Variants in NTM observed in about 807,000 individuals in gnomAD.
NTM encodes IgLON family member 2.
In NTM, 13 loss-of-function variants were observed where a neutral mutation model predicts 42.1. The observed-to-expected ratio is 0.31, with a 90% confidence interval of 0.20 to 0.49. NTM has a LOEUF of 0.49. NTM is among the 20% of genes least tolerant of loss of function. The probability of loss-of-function intolerance (pLI) is 0.99; values close to 1 mark genes in which losing one functional copy is unlikely to be tolerated. For missense variants in NTM, 373 were observed against 452.8 expected, an observed-to-expected ratio of 0.82 and a Z score of 1.60; for synonymous variants, 187 against 179.2, an observed-to-expected ratio of 1.04 and a Z score of -0.35.
intron 1 of NTM, among the ~76,000 whole-genome samples, chr11:131,496,895 G>A (rs959750083): frequency 3.9e-5 from 6 of 152,196 alleles, no homozygotes; most frequent in African/African-American, 1.2e-4. Context: ...GGCCTCAGAA[G>A]ACAGCACAAC....
chr11:131,602,797 A>G (rs1310539069), intron 1 of NTM, among the ~76,000 whole-genome samples: 3 of 152,134 alleles, frequency 2.0e-5, no homozygotes, highest in Admixed American at 6.5e-5. Context: ...GATTGTCCCT[A>G]TGTCAGTAAA....
At chr11:131,762,416 T>A (rs2084354236) in intron 1 of NTM, among the ~76,000 whole-genome samples, 1 of 152,190 alleles carries the variant, frequency 6.6e-6, no homozygotes, top group Admixed American at 6.5e-5. Context: ...CGACAGAGGG[T>A]TTGAGTTCTA....
intron 3 of NTM, among the ~76,000 whole-genome samples, chr11:132,211,346 GCCATATTTGCA>G: frequency 6.6e-6 from 1 of 152,326 alleles, no homozygotes; most frequent in East Asian, 1.9e-4. Context: ...GCTTCAGTGA[GCCATATTTGCA>G]CCACTGCACT....
At chr11:131,702,091 C>T (rs61368165) in intron 1 of NTM, among the ~76,000 whole-genome samples, 6,311 of 152,184 alleles carry the variant, frequency 0.041, 438 homozygotes, top group African/African-American at 0.14. Flanking sequence ...CGCCCTCAGA[C>T]ATGGCTTTGT....
chr11:131,557,773 G>A (rs760656005), intron 1 of NTM, among the ~76,000 whole-genome samples: 28 of 152,032 alleles, frequency 1.8e-4, no homozygotes, highest in Non-Finnish European at 3.8e-4. Flanking sequence ...GGGTGGGAGT[G>A]GAGGGTGAGT....
intron 2 of NTM, among the ~76,000 whole-genome samples, chr11:132,108,476 A>G (rs1385989907): frequency 6.6e-6 from 1 of 152,152 alleles, no homozygotes; most frequent in Non-Finnish European, 1.5e-5. Context: ...AGTGGGAGCT[A>G]AACTCTGAGG....
At chr11:131,748,810 C>G (rs2082136306) in intron 1 of NTM, among the ~76,000 whole-genome samples, 1 of 152,220 alleles carries the variant, frequency 6.6e-6, no homozygotes, top group African/African-American at 2.4e-5. Flanking sequence ...CTCCACTACC[C>G]TGGAGGCTTG....
At chr11:132,145,145 C>T (rs965524371) in intron 2 of NTM, among the ~76,000 whole-genome samples, 1 of 152,190 alleles carries the variant, frequency 6.6e-6, no homozygotes, top group Non-Finnish European at 1.5e-5. Flanking sequence ...GAAGACTTGA[C>T]TGAGAGGTCT....
chr11:132,313,997 G>T (rs546170979), intron 6 of NTM, among the ~76,000 whole-genome samples: 36 of 152,208 alleles, frequency 2.4e-4, no homozygotes, highest in African/African-American at 8.2e-4. Flanking sequence ...AGAAAATGAT[G>T]ATTTTTCTCC....
At chr11:131,449,810 T>G (rs1384950054) in intron 1 of NTM, among the ~76,000 whole-genome samples, 1 of 152,182 alleles carries the variant, frequency 6.6e-6, no homozygotes, top group East Asian at 1.9e-4. Flanking sequence ...GCACTGCCTG[T>G]GCAGAAGCCT....
chr11:131,821,447 T>C (rs970876845), intron 1 of NTM, among the ~76,000 whole-genome samples: 3 of 152,196 alleles, frequency 2.0e-5, no homozygotes, highest in Non-Finnish European at 4.4e-5. Flanking sequence ...AAGTCGGTGG[T>C]CACGCCAGCA....
intron 3 of NTM, among the ~76,000 whole-genome samples, chr11:132,180,633 C>G (rs2077434207): frequency 6.6e-6 from 1 of 152,158 alleles, no homozygotes; most frequent in African/African-American, 2.4e-5. Flanking sequence ...CACAAACCCT[C>G]TCAAGCTCTC....
chr11:131,973,646 G>A (rs946883055), intron 2 of NTM, among the ~76,000 whole-genome samples: 8 of 152,266 alleles, frequency 5.3e-5, no homozygotes, highest in South Asian at 2.1e-4. Context: ...GGGAAACCCC[G>A]TCTCTACTAA....
chr11:131,418,619 C>T (rs114053027), intron 1 of NTM, among the ~76,000 whole-genome samples: 1,564 of 152,272 alleles, frequency 0.01, 15 homozygotes, highest in African/African-American at 0.036. Flanking sequence ...CTCGAAAGCC[C>T]ACACATCCAC....
At chr11:131,381,056 C>T (rs1258582242) in intron 1 of NTM, among the ~76,000 whole-genome samples, 9 of 152,142 alleles carry the variant, frequency 5.9e-5, no homozygotes, top group Non-Finnish European at 1.3e-4. Flanking sequence ...CTCAGTATTT[C>T]AGGCTAAACT....
chr11:132,150,736 G>A (rs953899049), intron 3 of NTM, among the ~76,000 whole-genome samples: 4 of 152,110 alleles, frequency 2.6e-5, no homozygotes, highest in Non-Finnish European at 5.9e-5. Context: ...CAGGAGAGTA[G>A]GCAGAGTTCG....
At chr11:131,947,067 C>T (rs1460295993) in intron 2 of NTM, among the ~76,000 whole-genome samples, 1 of 152,152 alleles carries the variant, frequency 6.6e-6, no homozygotes, top group Non-Finnish European at 1.5e-5. Context: ...CAGACATTTC[C>T]AGAAAAGCTG....
chr11:132,130,997 T>C (rs763442865), intron 2 of NTM, among the ~76,000 whole-genome samples: 2 of 152,208 alleles, frequency 1.3e-5, no homozygotes, highest in Non-Finnish European at 2.9e-5. Flanking sequence ...CTGTGAGATA[T>C]GAATTATATG....
chr11:131,659,467 A>G (rs576110248), intron 1 of NTM, among the ~76,000 whole-genome samples: 9 of 152,108 alleles, frequency 5.9e-5, no homozygotes, highest in African/African-American at 2.2e-4. Flanking sequence ...AGCTTTCTAT[A>G]GGGCATGGTG....
Sources: gnomAD v4.1 joint callset for allele counts (sites outside exome capture counted in the v4.1 genomes callset) on GRCh38, gnomAD v4.1.1 for gene constraint, MANE v1.5 for transcripts, NCBI Gene and HGNC (gene_info 2026-07-23, HGNC 2026-07-21) for gene names.